The following PIGK variants were observed in gnomAD, a reference collection of about 807,000 sequenced individuals.
The protein encoded by PIGK is GPI-anchor transamidase.
Under a neutral mutation model 50.6 loss-of-function variants are expected in PIGK, and 42 were observed. The ratio of observed to expected loss-of-function variants is 0.83; its 90% CI spans 0.65 to 1.07. PIGK has a LOEUF of 1.07. Ranked by LOEUF, PIGK falls within the 50% of genes least tolerant of loss-of-function variation. The pLI, the probability that PIGK is intolerant of heterozygous loss-of-function variation, is 0.00. For missense variants in PIGK, 448 were observed against 488.7 expected (o/e 0.92, Z 0.78); for synonymous variants, 151 against 156.0 (o/e 0.97, Z 0.24).
At chr1:77,207,165 T>A (rs1656306831) in intron 2 of PIGK, among the ~76,000 whole-genome samples, 1 of 152,042 alleles carries the variant, frequency 6.6e-6, no homozygotes, top group African/African-American at 2.4e-5. Flanking sequence ...AGACTCTGTC[T>A]CAACAAAAAA....
chr1:77,137,728 C>T (rs775773530), intron 9 of PIGK, among the ~76,000 whole-genome samples: 28 of 152,154 alleles, frequency 1.8e-4, no homozygotes, highest in East Asian at 9.7e-4. Flanking sequence ...CTCAGCCTCC[C>T]GAGTAGCTGG....
At chr1:77,213,397 T>A (rs956086851) in intron 1 of PIGK, among the ~76,000 whole-genome samples, 1 of 151,964 alleles carries the variant, frequency 6.6e-6, no homozygotes, top group African/African-American at 2.4e-5. Context: ...GAACTAGCAA[T>A]CAATTAACAT....
intron 8 of PIGK, among the ~76,000 whole-genome samples, chr1:77,157,332 G>T (rs1312103997): frequency 6.6e-6 from 1 of 152,086 alleles, no homozygotes; most frequent in African/African-American, 2.4e-5. Flanking sequence ...AAAAATAAAG[G>T]TGGTAGGGTA....
Position 77,154,433 on chromosome 1 carries a change from G to T in PIGK, c.986+16C>A. The T allele has an allele frequency of 1.3e-6, 2 of 1,573,436 alleles. No individual in the cohort carries two copies. The highest frequency in any genetic ancestry group is 1.7e-6 in the Non-Finnish European group (2 of 1,146,038). The stretch of plus-strand genomic sequence containing the variant: ...GAGACTAGTATTCTATTCAAATAAT[G>T]GTTTAAGATGAATACCTGCTTTCCA... On this transcript the variant is annotated intron_variant, in intron 9 of 10. Transcript: ENST00000370812.
At chr1:77,149,409 T>A (rs1439017377) in intron 9 of PIGK, among the ~76,000 whole-genome samples, 1 of 152,002 alleles carries the variant, frequency 6.6e-6, no homozygotes, top group African/African-American at 2.4e-5. Flanking sequence ...TAGAAAAAGA[T>A]ATTTTATGTA....
At chr1:77,166,458 T>C (rs895210482) in intron 5 of PIGK, among the ~76,000 whole-genome samples, 8 of 152,122 alleles carry the variant, frequency 5.3e-5, no homozygotes, top group Non-Finnish European at 7.4e-5. Flanking sequence ...AAGGATGCTG[T>C]AGCAGGATAC....
At chr1:77,119,771 G>T (rs1212962492) in intron 10 of PIGK, among the ~76,000 whole-genome samples, 2 of 152,128 alleles carry the variant, frequency 1.3e-5, no homozygotes, top group Non-Finnish European at 2.9e-5. Context: ...CATCTCTCCT[G>T]CAGCTTCTAA....
At chr1:77,159,017 C>T (rs1320032561) in intron 8 of PIGK, among the ~76,000 whole-genome samples, 4 of 152,112 alleles carry the variant, frequency 2.6e-5, no homozygotes, top group Admixed American at 2.6e-4. Context: ...ATGTCAGAGA[C>T]CTTCACAGCA....
rs553867534 is a variant in PIGK at position 77,106,473 on chromosome 1, A to G, written c.1072-13983T>C. Among the ~76,000 whole-genome samples, 3 of 152,288 alleles carry G rather than the reference A, an allele frequency of 2.0e-5. No individual in the cohort carries two copies. In the East Asian group the frequency reaches 5.8e-4, roughly 29 times the overall value. On this transcript the variant is annotated intron_variant, in intron 10 of 10. Coordinates refer to ENST00000370812, the MANE Select transcript of PIGK (RefSeq NM_005482.3). ...CATTCCTTTTAAAATAAATTATCTA[A>G]AGTTTGAAAAAGTATTTTTAACAAA...
intron 10 of PIGK, among the ~76,000 whole-genome samples, chr1:77,103,196 C>T (rs72681886): frequency 0.037 from 5,669 of 152,102 alleles, 208 homozygotes; most frequent in South Asian, 0.21. Context: ...ATGGTGGCAT[C>T]CTTCAAGTTA....
rs547067506 is a variant in PIGK, at chr1:77,201,969, G to T, written c.239+4671C>A. On this transcript the variant is annotated intron_variant, in intron 3 of 10. Transcript: ENST00000370812. ...GCTACTTGGGAGGCTGAGGAGGGAAGATCACTTGAGCCCAGGAGGTTGAGG... is the reference window on the plus strand; with the variant it reads ...GCTACTTGGGAGGCTGAGGAGGGAATATCACTTGAGCCCAGGAGGTTGAGG... Among the ~76,000 whole-genome samples the T allele has an allele frequency of 7.4e-4, 112 of 151,200 alleles. 1 individual carries two copies. The highest frequency in any genetic ancestry group is 2.7e-3 in the South Asian group (13 of 4,780).
At chr1:77,215,891 A>C (rs1432715232) in intron 1 of PIGK, among the ~76,000 whole-genome samples, 1 of 152,146 alleles carries the variant, frequency 6.6e-6, no homozygotes, top group Non-Finnish European at 1.5e-5. Context: ...ATTTTTAAAA[A>C]CTTGATCTCA....
intron 10 of PIGK, among the ~76,000 whole-genome samples, chr1:77,109,836 T>C (rs1468884849): frequency 6.6e-6 from 1 of 152,182 alleles, no homozygotes; most frequent in Non-Finnish European, 1.5e-5. Context: ...TGTTTGCAGA[T>C]GACATGATTG....
At chr1:77,100,448 G>C (rs1354513439) in intron 10 of PIGK, among the ~76,000 whole-genome samples, 1 of 152,128 alleles carries the variant, frequency 6.6e-6, no homozygotes, top group Non-Finnish European at 1.5e-5. Flanking sequence ...CAGAATGTAA[G>C]ACAGCTTCTA....
intron 3 of PIGK, among the ~76,000 whole-genome samples, chr1:77,187,167 G>A (rs1159579987): frequency 6.6e-6 from 1 of 152,178 alleles, no homozygotes; most frequent in Non-Finnish European, 1.5e-5. Context: ...CCTCAAGCAG[G>A]TGGATTGATA....
At chr1:77,134,704 T>C (rs1654459368) in intron 9 of PIGK, among the ~76,000 whole-genome samples, 1 of 152,172 alleles carries the variant, frequency 6.6e-6, no homozygotes, top group Non-Finnish European at 1.5e-5. Flanking sequence ...CTACATCTGA[T>C]ATTTTTAAAA....
intron 9 of PIGK, among the ~76,000 whole-genome samples, chr1:77,140,245 A>G (rs1361815300): frequency 6.6e-6 from 1 of 151,364 alleles, no homozygotes; most frequent in East Asian, 2.0e-4. Flanking sequence ...GCATGCTCAC[A>G]CTCACTCACT....
At chr1:77,179,319 G>T (rs1655558897) in intron 3 of PIGK, among the ~76,000 whole-genome samples, 1 of 152,142 alleles carries the variant, frequency 6.6e-6, no homozygotes. Flanking sequence ...CCAAAAGGGG[G>T]GAATTGGTAA....
intron 3 of PIGK, among the ~76,000 whole-genome samples, chr1:77,180,916 G>A (rs1207953882): frequency 1.3e-5 from 2 of 151,868 alleles, no homozygotes; most frequent in Non-Finnish European, 2.9e-5. Context: ...GTGATTTTGG[G>A]GCCCCAAGAT....
Sources: allele counts gnomAD v4.1 joint callset (sites outside exome capture counted in the v4.1 genomes callset), GRCh38; gene constraint gnomAD v4.1.1; transcripts MANE v1.5; gene names NCBI Gene and HGNC (gene_info 2026-07-23, HGNC 2026-07-21).